Variants in EML5 observed in about 807,000 individuals in gnomAD.
EML5 encodes echinoderm microtubule-associated protein-like 5.
A neutral mutation model predicts 250.0 loss-of-function variants in EML5; 120 were observed. The observed-to-expected ratio is 0.48, with a 90% confidence interval of 0.41 to 0.56. EML5 has a LOEUF of 0.56. EML5 is among the 20% of genes least tolerant of loss of function. EML5 has a pLI of 0.00. For synonymous variants in EML5, 771 were observed against 806.5 expected, an observed-to-expected ratio of 0.96 and a Z score of 0.75; for missense variants, 2,006 against 2,437.6, an observed-to-expected ratio of 0.82 and a Z score of 3.73.
chr14:88,718,676 T>C (rs1381243579), intron 8 of EML5, among the ~76,000 whole-genome samples: 1 of 152,238 alleles, frequency 6.6e-6, no homozygotes, highest in Non-Finnish European at 1.5e-5. Flanking sequence ...TAGAGGTTGA[T>C]AATTAGAAGA....
chr14:88,787,436 G>T (rs993399270), intron 1 of EML5, among the ~76,000 whole-genome samples: 4 of 152,086 alleles, frequency 2.6e-5, no homozygotes, highest in African/African-American at 9.7e-5. Context: ...TTTCCTTAAT[G>T]TATATCCAAA....
chr14:88,775,290 G>C (rs1162827349), intron 1 of EML5, among the ~76,000 whole-genome samples: 1 of 152,142 alleles, frequency 6.6e-6, no homozygotes, highest in Non-Finnish European at 1.5e-5. Context: ...CATAGGGGTG[G>C]GTAGATCACC....
rs558318823 is a variant in EML5 at position 88,705,873 on chromosome 14, C to T, written c.1826-285G>A. The T allele has an allele frequency of 4.3e-4, 251 of 582,224 alleles. No homozygotes were observed. The African/African-American group carries it at 4.3e-3, about 10-fold the overall frequency. The allele number at this position is 582,224 out of a possible 1,614,324, so 36.1% of individuals were successfully genotyped here. On this transcript the variant is annotated intron_variant, in intron 11 of 43. Transcript: ENST00000554922. ...TCTGTGCAAATATAAGTGAATATAA[C>T]CTATAATTAACATGAAAAATAGCTA...
intron 21 of EML5, among the ~76,000 whole-genome samples, chr14:88,679,777 A>C (rs1470437787): frequency 6.6e-6 from 1 of 152,218 alleles, no homozygotes; most frequent in Admixed American, 6.5e-5. Context: ...TGAAGCCATC[A>C]AACAAGAGAT....
chr14:88,647,014 C>G, intron 28 of EML5, 59 bp from the exon 29 acceptor site: 1 of 1,471,850 alleles, frequency 6.8e-7, no homozygotes. Flanking sequence ...ATTGAAAACA[C>G]TAGTGAAATA....
chr14:88,719,644 C>T (rs368659976), intron 8 of EML5, among the ~76,000 whole-genome samples: 3 of 151,138 alleles, frequency 2.0e-5, no homozygotes, highest in South Asian at 2.1e-4. Context: ...AAAATATTTG[C>T]AAGTTTTCAT....
chr14:88,662,383 T>G (rs993181466), intron 24 of EML5, among the ~76,000 whole-genome samples: 7 of 116,588 alleles, frequency 6.0e-5, no homozygotes, highest in Non-Finnish European at 1.2e-4. Flanking sequence ...GCAAAAACAG[T>G]AATCTGCCAA....
chr14:88,633,971 T>A (rs1048555085), intron 33 of EML5, among the ~76,000 whole-genome samples: 1 of 152,156 alleles, frequency 6.6e-6, no homozygotes, highest in Non-Finnish European at 1.5e-5. Flanking sequence ...AAATAATGTA[T>A]TCTTCATTAA....
Position 88,740,585 on chromosome 14 carries a change from T to G in EML5, c.526-13A>C. On this transcript the variant is annotated splice_polypyrimidine_tract_variant and intron_variant, in intron 4 of 43. Coordinates refer to ENST00000554922, the MANE Select transcript of EML5 (RefSeq NM_183387.3). ...ATAAACTCCAGAACTAAAAGGTATA[T>G]AGTATAATCAAATTACCAAAGAATT... The G allele has an allele frequency of 6.5e-7, 1 of 1,545,006 alleles. No individual in the cohort carries two copies. The highest frequency in any genetic ancestry group is 8.7e-7 in the Non-Finnish European group (1 of 1,145,166).
At chr14:88,759,741 C>A (rs1025342046) in intron 1 of EML5, among the ~76,000 whole-genome samples, 1 of 139,800 alleles carries the variant, frequency 7.2e-6, no homozygotes, top group Non-Finnish European at 1.5e-5. Flanking sequence ...CATAGTTTAA[C>A]TACAAAATCT....
intron 19 of EML5, among the ~76,000 whole-genome samples, chr14:88,686,035 C>T (rs974289211): frequency 1.3e-5 from 2 of 151,906 alleles, no homozygotes; most frequent in African/African-American, 4.8e-5. Context: ...ACAGAGCATA[C>T]AGTGAGGAAA....
In EML5 at chr14:88,692,501, G is replaced by A. The variant is rs145799607; in HGVS notation, c.2539+1806C>T. ...CATTTACATTATATTAGGTATTATC[G>A]GTAGTCTAGAAATGACTGAAAATAT... is the stretch of plus-strand genomic sequence containing the variant. On this transcript the variant is annotated intron_variant, in intron 17 of 43. Coordinates refer to ENST00000554922, the MANE Select transcript of EML5 (RefSeq NM_183387.3). Among the ~76,000 whole-genome samples, 202 of 152,144 alleles carry A rather than the reference G, an allele frequency of 1.3e-3. 1 individual carries two copies. Among genetic ancestry groups the A allele is most frequent in the African/African-American group, 4.4e-3 (182 of 41,508 alleles).
intron 8 of EML5, among the ~76,000 whole-genome samples, chr14:88,719,593 T>C (rs2093557818): frequency 6.6e-6 from 1 of 152,158 alleles, no homozygotes; most frequent in Non-Finnish European, 1.5e-5. Context: ...TAGCTTACTG[T>C]AAGTCAAAGT....
rs763734573 is a variant in EML5 at position 88,658,257 on chromosome 14, C to G, written c.3807G>C (p.Glu1269Asp). ...TDMSLMVWTN[E>D]MEGYREKRPC... ...GCCTTTTTTCTCGATAGCCTTCCAT[C>G]TCATTTGTCCACACCATTAAAGACA... The change falls in exon 26 of 44, where the codon GAG (glutamate) becomes GAC (aspartate). Residue 1269 changes from glutamate to aspartate, a missense_variant. By Grantham distance (45) the Glu-to-Asp change is conservative (BLOSUM62 2). Transcript: ENST00000554922. The G allele has an allele frequency of 2.5e-6, 4 of 1,613,832 alleles. No individual in the cohort carries two copies. The Admixed American group carries it at 5.0e-5, about 20-fold the overall frequency.
At chr14:88,723,752 T>TG (rs1417522960) in intron 8 of EML5, among the ~76,000 whole-genome samples, 35 of 152,166 alleles carry the variant, frequency 2.3e-4, no homozygotes, top group Admixed American at 5.2e-4. Context: ...TTAATGAAGC[T>TG]GGGGGGACAC....
At chr14:88,679,573 T>C (rs1431840193) in intron 21 of EML5, among the ~76,000 whole-genome samples, 1 of 152,096 alleles carries the variant, frequency 6.6e-6, no homozygotes, top group East Asian at 1.9e-4. Context: ...ACGCCTGTAG[T>C]CCCTGTTACT....
At chr14:88,658,154 A>G (rs1181786836) in intron 26 of EML5, 33 bp downstream of exon 26, 2 of 1,605,164 alleles carry the variant, frequency 1.2e-6, no homozygotes, top group South Asian at 1.1e-5. Flanking sequence ...AATTTTCCCT[A>G]TATTTTTGTT....
intron 41 of EML5, chr14:88,617,714 A>G (rs995759078): frequency 7.2e-5 from 11 of 152,312 alleles, no homozygotes; most frequent in African/African-American, 2.7e-4. Flanking sequence ...TGATCCTCCC[A>G]CCTCGGCCTG....
intron 42 of EML5, 85 bp from the exon 43 acceptor site, chr14:88,616,327 A>G (rs1413819857): frequency 2.3e-6 from 3 of 1,325,340 alleles, no homozygotes; most frequent in South Asian, 1.2e-5. Flanking sequence ...TCTCTATGAC[A>G]AGAGCTGTGG....
Sources: allele counts gnomAD v4.1 joint callset (sites outside exome capture counted in the v4.1 genomes callset), GRCh38; gene constraint gnomAD v4.1.1; transcripts MANE v1.5; gene names NCBI Gene and HGNC (gene_info 2026-07-23, HGNC 2026-07-21).